RALYL: variants seen among roughly 807,000 people sequenced by gnomAD.
RALYL encodes the protein RALY RNA binding protein like, also known as RNA-binding Raly-like protein.
Under a neutral mutation model 35.1 loss-of-function variants are expected in RALYL, and 29 were observed. The observed-to-expected ratio is 0.83, with a 90% CI of 0.61 to 1.13. The LOEUF (loss-of-function observed/expected upper bound fraction) is 1.13. RALYL is among the 50% of genes most tolerant of loss of function. The pLI, the probability that RALYL is intolerant of heterozygous loss-of-function variation, is 0.00. For synonymous variants in RALYL, 120 were observed against 127.6 expected (o/e 0.94, Z 0.40); for missense variants, 359 against 360.4 (o/e 1.00, Z 0.03).
At chr8:84,473,596 C>T (rs924174216) in intron 1 of RALYL, among the ~76,000 whole-genome samples, 6 of 151,318 alleles carry the variant, frequency 4.0e-5, no homozygotes, top group Admixed American at 4.0e-4. Context: ...AAAAATAGTC[C>T]TTATGTGGCA....
At chr8:84,211,704 T>C (rs1819529686) in intron 1 of RALYL, among the ~76,000 whole-genome samples, 1 of 151,538 alleles carries the variant, frequency 6.6e-6, no homozygotes, top group Non-Finnish European at 1.5e-5. Context: ...AACTGCCTTG[T>C]TGGCTGACAG....
At chr8:84,904,350 T>G (rs1016019580) in intron 8 of RALYL, among the ~76,000 whole-genome samples, 1 of 152,188 alleles carries the variant, frequency 6.6e-6, no homozygotes, top group South Asian at 2.1e-4. Context: ...CATCGCTAAT[T>G]GACCTGTGCT....
At chr8:84,824,688 G>T (rs1829274217) in intron 4 of RALYL, among the ~76,000 whole-genome samples, 1 of 152,102 alleles carries the variant, frequency 6.6e-6, no homozygotes, top group African/African-American at 2.4e-5. Flanking sequence ...GAACAGAATG[G>T]AGAACCTGGA....
intron 2 of RALYL, among the ~76,000 whole-genome samples, chr8:84,722,098 T>C (rs902735712): frequency 6.6e-6 from 1 of 152,092 alleles, no homozygotes; most frequent in Non-Finnish European, 1.5e-5. Context: ...AACTTTATTC[T>C]CAGCTTTGGC....
At chr8:84,401,544 A>G (rs1262149493) in intron 1 of RALYL, among the ~76,000 whole-genome samples, 1 of 145,546 alleles carries the variant, frequency 6.9e-6, no homozygotes, top group Non-Finnish European at 1.5e-5. Flanking sequence ...AGGCTGAGGC[A>G]GGAGAATGGC....
intron 1 of RALYL, among the ~76,000 whole-genome samples, chr8:84,384,921 A>C (rs899101389): frequency 6.6e-6 from 1 of 151,812 alleles, no homozygotes; most frequent in Non-Finnish European, 1.5e-5. Flanking sequence ...CCTCTACTCC[A>C]TTCCTTCTCC....
intron 2 of RALYL, among the ~76,000 whole-genome samples, chr8:84,588,662 G>C (rs1812534588): frequency 6.6e-6 from 1 of 152,138 alleles, no homozygotes; most frequent in Non-Finnish European, 1.5e-5. Context: ...CTCTTCCACT[G>C]CATTGACCCT....
chr8:84,612,108 G>C (rs1221262602), intron 2 of RALYL, among the ~76,000 whole-genome samples: 4 of 150,338 alleles, frequency 2.7e-5, no homozygotes, highest in Non-Finnish European at 6.0e-5. Context: ...TTAGATTGTG[G>C]TTTGAATTGT....
intron 2 of RALYL, among the ~76,000 whole-genome samples, chr8:84,674,872 T>C (rs2131872399): frequency 6.6e-6 from 1 of 152,246 alleles, no homozygotes; most frequent in Non-Finnish European, 1.5e-5. Flanking sequence ...AACCAAATTG[T>C]ATACAAAGTA....
intron 2 of RALYL, chr8:84,679,375 A>G: frequency 3.7e-6 from 1 of 271,174 alleles, no homozygotes; most frequent in Non-Finnish European, 7.4e-6. Flanking sequence ...CCACTACTTC[A>G]TCCAGAGAGA....
chr8:84,436,053 T>A (rs2047675893), intron 1 of RALYL, among the ~76,000 whole-genome samples: 1 of 152,162 alleles, frequency 6.6e-6, no homozygotes, highest in African/African-American at 2.4e-5. Flanking sequence ...AAGAACATAT[T>A]CATGTAACCA....
At chr8:84,743,474 A>G (rs1338802052) in intron 2 of RALYL, among the ~76,000 whole-genome samples, 1 of 152,004 alleles carries the variant, frequency 6.6e-6, no homozygotes, top group Non-Finnish European at 1.5e-5. Context: ...GACGCTGTCA[A>G]TTTATGCTCA....
chr8:84,690,905 T>C (rs1310034022), intron 2 of RALYL, among the ~76,000 whole-genome samples: 3 of 152,030 alleles, frequency 2.0e-5, no homozygotes, highest in African/African-American at 7.2e-5. Context: ...TTAAAATAAA[T>C]TTATCAGTGA....
intron 2 of RALYL, among the ~76,000 whole-genome samples, chr8:84,677,535 G>C (rs1156434639): frequency 6.6e-6 from 1 of 152,070 alleles, no homozygotes; most frequent in Non-Finnish European, 1.5e-5. Flanking sequence ...GTTTTTCAGA[G>C]ATTTTTTGAA....
intron 1 of RALYL, among the ~76,000 whole-genome samples, chr8:84,277,746 C>T (rs1157200995): frequency 6.6e-6 from 1 of 152,208 alleles, no homozygotes; most frequent in East Asian, 1.9e-4. Flanking sequence ...TCCAGCAGGG[C>T]AATCAAATCT....
At chr8:84,279,412 G>T (rs193215206) in intron 1 of RALYL, among the ~76,000 whole-genome samples, 85 of 152,252 alleles carry the variant, frequency 5.6e-4, no homozygotes, top group African/African-American at 1.9e-3. Context: ...TTCAAAATTG[G>T]ACAGATATAT....
chr8:84,822,715 C>T (rs1828803806), intron 4 of RALYL, among the ~76,000 whole-genome samples: 1 of 152,124 alleles, frequency 6.6e-6, no homozygotes, highest in Non-Finnish European at 1.5e-5. Flanking sequence ...ATCATTTAGA[C>T]TTAACTAACA....
intron 1 of RALYL, among the ~76,000 whole-genome samples, chr8:84,286,864 A>T (rs1486251850): frequency 1.3e-5 from 2 of 152,192 alleles, no homozygotes; most frequent in Non-Finnish European, 2.9e-5. Flanking sequence ...AAAGAATGGC[A>T]GTCAGGGTTC....
rs896881761 is a variant in RALYL, at chr8:84,469,975, G to A, written c.-23-59324G>A. On this transcript the variant is annotated intron_variant, in intron 1 of 8. Coordinates refer to ENST00000521268, the MANE Select transcript of RALYL (RefSeq NM_173848.7). ...TGACCCCTTGCGCTTCCCAAGTGAG[G>A]CAATGCCTCGCCCTGCTTCGGCTCG... Among the ~76,000 whole-genome samples, 8 of 152,266 alleles carry A rather than the reference G, an allele frequency of 5.3e-5. No homozygotes were observed. The South Asian group carries it at 1.4e-3, about 28-fold the overall frequency.
Sources: gnomAD v4.1 joint callset for allele counts (sites outside exome capture counted in the v4.1 genomes callset) on GRCh38, gnomAD v4.1.1 for gene constraint, MANE v1.5 for transcripts, NCBI Gene and HGNC (gene_info 2026-07-23, HGNC 2026-07-21) for gene names.